The following PELI2 variants were observed in gnomAD, a reference collection of about 807,000 sequenced individuals.
PELI2 encodes the protein pellino E3 ubiquitin protein ligase family member 2.
A neutral mutation model predicts 42.3 loss-of-function variants in PELI2; 23 were observed. The observed-to-expected ratio is 0.54, with a 90% confidence interval of 0.39 to 0.77. The LOEUF (loss-of-function observed/expected upper bound fraction) is 0.77. Ranked by LOEUF, PELI2 falls within the 30% of genes least tolerant of loss-of-function variation. The pLI, the probability that PELI2 is intolerant of heterozygous loss-of-function variation, is 0.00. For synonymous variants in PELI2, 245 were observed against 212.2 expected (o/e 1.15, Z -1.34); for missense variants, 463 against 553.2 (o/e 0.84, Z 1.64).
chr14:56,245,658 G>A (rs1888126776), intron 2 of PELI2, among the ~76,000 whole-genome samples: 1 of 152,116 alleles, frequency 6.6e-6, no homozygotes, highest in Non-Finnish European at 1.5e-5. Context: ...TAGCCAGATA[G>A]TTTTACTAGT....
intron 2 of PELI2, among the ~76,000 whole-genome samples, chr14:56,212,170 T>A (rs1252331760): frequency 6.6e-6 from 1 of 152,230 alleles, no homozygotes; most frequent in African/African-American, 2.4e-5. Flanking sequence ...GACATTAGTA[T>A]GTCTCCAAAG....
chr14:56,170,786 G>A (rs979044418), intron 1 of PELI2, among the ~76,000 whole-genome samples: 1 of 152,096 alleles, frequency 6.6e-6, no homozygotes, highest in African/African-American at 2.4e-5. Context: ...ATTATTCTTT[G>A]CAGCTCCCAA....
At chr14:56,279,472 G>C (rs1361596037) in intron 2 of PELI2, among the ~76,000 whole-genome samples, 1 of 152,152 alleles carries the variant, frequency 6.6e-6, no homozygotes, top group African/African-American at 2.4e-5. Flanking sequence ...TTCACTTTAA[G>C]ACAGAATATT....
chr14:56,177,263 G>A (rs1235389209), intron 1 of PELI2, among the ~76,000 whole-genome samples: 1 of 152,168 alleles, frequency 6.6e-6, no homozygotes, highest in African/African-American at 2.4e-5. Context: ...GGCTTCACAA[G>A]TTCTTGCTTC....
In PELI2 at chr14:56,157,622, G is replaced by A. The variant is rs146540342; in HGVS notation, c.78-20713G>A. Among the ~76,000 whole-genome samples, 7 of 152,236 alleles carry A rather than the reference G, an allele frequency of 4.6e-5. 1 individual carries two copies. The highest frequency in any genetic ancestry group is 1.4e-4 in the African/African-American group (6 of 41,526). On this transcript the variant is annotated intron_variant, in intron 1 of 5. Transcript: ENST00000267460. ...TTTGAGAATTTGTTTCTGTACAATAGCAATTAAGTATCTCCTTAGTAAGTA... is the reference window on the plus strand; with the variant it reads ...TTTGAGAATTTGTTTCTGTACAATAACAATTAAGTATCTCCTTAGTAAGTA...
At chr14:56,178,828 A>G (rs1347361538) in intron 2 of PELI2, among the ~76,000 whole-genome samples, 1 of 152,232 alleles carries the variant, frequency 6.6e-6, no homozygotes, top group Admixed American at 6.5e-5. Context: ...TTGATTTGGA[A>G]TAGATGTAGT....
At chr14:56,170,043 C>G (rs2228708) in intron 1 of PELI2, among the ~76,000 whole-genome samples, 14,128 of 152,242 alleles carry the variant, frequency 0.093, 945 homozygotes, top group East Asian at 0.24. Flanking sequence ...TTCTCAGAGA[C>G]TGTGTGCCCT....
intron 2 of PELI2, among the ~76,000 whole-genome samples, chr14:56,231,176 A>G (rs187191361): frequency 1.3e-5 from 2 of 152,316 alleles, no homozygotes; most frequent in African/African-American, 4.8e-5. Context: ...TTAATACACC[A>G]CTGTCAACAT....
intron 1 of PELI2, among the ~76,000 whole-genome samples, chr14:56,167,871 C>A (rs376090800): frequency 6.6e-6 from 1 of 152,174 alleles, no homozygotes; most frequent in African/African-American, 2.4e-5. Flanking sequence ...TAAGCTATAT[C>A]GGCTTTAGGG....
Position 56,273,678 on chromosome 14 carries a change from T to C in PELI2, c.208-5998T>C, listed in dbSNP as rs1889183123. On this transcript the variant is annotated intron_variant, in intron 2 of 5. Coordinates refer to ENST00000267460, the MANE Select transcript of PELI2 (RefSeq NM_021255.3). This position sits in a 1 kb window ranked among gnomAD's most constrained non-coding sequence, Gnocchi z 4.3. ...TATGAAGGTAATAATGCTAACTGTATGTGAACAACAGTGGCAAGAGAGGGC... is the reference window on the plus strand; with the variant it reads ...TATGAAGGTAATAATGCTAACTGTACGTGAACAACAGTGGCAAGAGAGGGC... Among the ~76,000 whole-genome samples, 1 of 152,214 alleles carries C rather than the reference T, an allele frequency of 6.6e-6. No homozygotes were observed. Among genetic ancestry groups the C allele is most frequent in the Admixed American group, 6.5e-5 (1 of 15,284 alleles).
intron 2 of PELI2, among the ~76,000 whole-genome samples, chr14:56,272,419 C>T (rs1388511423): frequency 1.4e-5 from 2 of 141,824 alleles, no homozygotes; most frequent in Non-Finnish European, 3.1e-5. Context: ...GTAAGGCATA[C>T]CTCTTGGTAT....
rs1210459866 is a variant in PELI2, at chr14:56,296,757, C to G, written c.854C>G (p.Pro285Arg). Reference sequence around the variant, plus strand: ...ATTAACGCCGCCCGGCCTCAGTGTCCTGTGGGGCTCAACACCCTGGCCTTC... The same window carrying G: ...ATTAACGCCGCCCGGCCTCAGTGTCGTGTGGGGCTCAACACCCTGGCCTTC... ...QEINAARPQCPVGLNTLAFPS... is the reference protein window; with the variant it reads ...QEINAARPQCRVGLNTLAFPS... Residue 285 changes from proline (P) to arginine (R), a missense_variant, in exon 6 of 6, where the codon CCT (proline) becomes CGT (arginine). Transcript: ENST00000267460. 1 of 1,614,118 alleles carries G rather than the reference C, an allele frequency of 6.2e-7. No homozygotes were observed. Among genetic ancestry groups the G allele is most frequent in the Non-Finnish European group, 8.5e-7 (1 of 1,180,020 alleles).
intron 1 of PELI2, among the ~76,000 whole-genome samples, chr14:56,141,301 C>A (rs997102975): frequency 6.6e-6 from 1 of 152,184 alleles, no homozygotes; most frequent in Non-Finnish European, 1.5e-5. Flanking sequence ...CGACATCAGA[C>A]CAGAATGTTG....
intron 2 of PELI2, among the ~76,000 whole-genome samples, chr14:56,221,323 G>C (rs187526302): frequency 6.6e-6 from 1 of 152,260 alleles, no homozygotes; most frequent in Non-Finnish European, 1.5e-5. Flanking sequence ...AAGTGGGTTC[G>C]AGGCATCAGC....
chr14:56,198,579 C>T (rs187188204), intron 2 of PELI2, among the ~76,000 whole-genome samples: 1 of 152,170 alleles, frequency 6.6e-6, no homozygotes, highest in Admixed American at 6.5e-5. Context: ...GATGGAGCAG[C>T]GGGGACAGTG....
intron 5 of PELI2, among the ~76,000 whole-genome samples, chr14:56,292,190 T>C (rs1287048687): frequency 6.6e-6 from 1 of 152,216 alleles, no homozygotes; most frequent in Non-Finnish European, 1.5e-5. Context: ...CAGGCTATTT[T>C]TGAAGTTAGT....
intron 2 of PELI2, among the ~76,000 whole-genome samples, chr14:56,269,411 C>G (rs868542180): frequency 6.6e-6 from 1 of 151,828 alleles, no homozygotes; most frequent in African/African-American, 2.4e-5. Context: ...CCACTGTACT[C>G]CAGCCAAGGT....
chr14:56,207,654 G>A (rs1484957417), intron 2 of PELI2, among the ~76,000 whole-genome samples: 1 of 152,196 alleles, frequency 6.6e-6, no homozygotes. Context: ...TAGGGAGATT[G>A]CTAGGAAAAG....
intron 1 of PELI2, among the ~76,000 whole-genome samples, chr14:56,159,699 T>C (rs1480879347): frequency 6.6e-6 from 1 of 152,200 alleles, no homozygotes. Context: ...ACTAATGTTA[T>C]ATTAATATAT....
Sources: gnomAD v4.1 joint callset for allele counts (sites outside exome capture counted in the v4.1 genomes callset) on GRCh38, gnomAD v4.1.1 for gene constraint, Gnocchi (gnomAD v3.1) non-coding constraint, MANE v1.5 for transcripts, NCBI Gene and HGNC (gene_info 2026-07-23, HGNC 2026-07-21) for gene names.